The following XXYLT1 variants were observed in gnomAD, a reference collection of about 807,000 sequenced individuals.
The protein encoded by XXYLT1 is UDP-xylose:alpha-xyloside alpha-1,3-xylosyltransferase.
XXYLT1 carries 20 observed loss-of-function variants against 28.9 expected under a neutral mutation model. The observed-to-expected ratio is 0.69, with a 90% CI of 0.49 to 1.00. The LOEUF is 1.00. Among genes scored for constraint, XXYLT1 ranks in the 50% least tolerant of loss-of-function variants. The pLI, the probability that XXYLT1 is intolerant of heterozygous loss-of-function variation, is 0.00. For synonymous variants in XXYLT1, 257 were observed against 253.8 expected (o/e 1.01, Z -0.12); for missense variants, 542 against 560.1 (o/e 0.97, Z 0.33).
chr3:195,211,252 G>A (rs903063539), intron 2 of XXYLT1, among the ~76,000 whole-genome samples: 17 of 152,142 alleles, frequency 1.1e-4, no homozygotes, highest in African/African-American at 3.1e-4. Context: ...AAATTAGCCG[G>A]GCGTGGTGGC....
At chr3:195,094,662 G>A (rs1431292907) in intron 3 of XXYLT1, 2 of 153,942 alleles carry the variant, frequency 1.3e-5, no homozygotes, top group African/African-American at 2.4e-5. Context: ...CCCTGGATGC[G>A]GGTGCTCGAG....
Position 195,209,243 on chromosome 3 carries a change from G to C in XXYLT1, c.652+17466C>G, listed in dbSNP as rs1723203943. The C allele has an allele frequency of 6.6e-6, 1 of 152,326 alleles. No individual in the cohort carries two copies. The highest frequency in any genetic ancestry group is 2.4e-5 in the African/African-American group (1 of 41,462). The allele number at this position is 152,326 out of a possible 1,614,324, so 9.4% of individuals were successfully genotyped here. A position where few individuals can be genotyped will look rare whatever the true frequency, so the allele number is the denominator to read the frequency against. On this transcript the variant is annotated intron_variant, in intron 2 of 3. Transcript: ENST00000310380. This position sits in a 1 kb window ranked among gnomAD's most constrained non-coding sequence, Gnocchi z 5.0. ...GACAGAGGAAGTGCAAAAGCCAAGG[G>C]TTAAGGCAGAGGAGACCTACGCCAG...
rs185396427 is a variant in XXYLT1 at position 195,094,612 on chromosome 3, C to T, written c.786-24501G>A. 5.0e-3 allele frequency: 771 copies of T among 154,056 alleles called. 4 individuals carry two copies. Among genetic ancestry groups the T allele is most frequent in the South Asian group, 9.1e-3 (44 of 4,832 alleles). 9.5% of individuals were successfully genotyped at this position (154,056 alleles called of 1,614,324 possible). On this transcript the variant is annotated intron_variant, in intron 3 of 3. Transcript: ENST00000310380. Reference sequence around the variant, plus strand: ...CTCAGCGGGGATTCCCAGACGCACGCTTCTCCTGAGAGAGTCCAGCCCCTC... The same window carrying T: ...CTCAGCGGGGATTCCCAGACGCACGTTTCTCCTGAGAGAGTCCAGCCCCTC...
chr3:195,139,159 G>C (rs951504471), intron 3 of XXYLT1, among the ~76,000 whole-genome samples: 1 of 152,192 alleles, frequency 6.6e-6, no homozygotes, highest in Non-Finnish European at 1.5e-5. Context: ...AGGAAAGCTG[G>C]AGACAGAGAG....
chr3:195,178,670 A>C (rs1721793232), intron 2 of XXYLT1, among the ~76,000 whole-genome samples: 1 of 152,170 alleles, frequency 6.6e-6, no homozygotes, highest in African/African-American at 2.4e-5. Context: ...CCAGCTCTGA[A>C]GCACGGTCTT....
intron 2 of XXYLT1, among the ~76,000 whole-genome samples, chr3:195,166,923 C>T (rs1356743145): frequency 1.3e-5 from 2 of 152,160 alleles, no homozygotes; most frequent in East Asian, 3.9e-4. Context: ...GTGATCCACC[C>T]ACCTCGGCCT....
At chr3:195,144,183 C>T (rs574564264) in intron 3 of XXYLT1, among the ~76,000 whole-genome samples, 5 of 149,838 alleles carry the variant, frequency 3.3e-5, no homozygotes, top group African/African-American at 4.9e-5. Flanking sequence ...CATGAGCCAC[C>T]GTGCCTGGCC....
intron 2 of XXYLT1, among the ~76,000 whole-genome samples, chr3:195,159,484 C>T (rs920586337): frequency 2.6e-5 from 4 of 152,194 alleles, no homozygotes; most frequent in African/African-American, 9.7e-5. Flanking sequence ...GAGCAGAATG[C>T]ATTGTGTAAT....
intron 2 of XXYLT1, among the ~76,000 whole-genome samples, chr3:195,212,670 C>T (rs1723375570): frequency 6.6e-6 from 1 of 152,214 alleles, no homozygotes; most frequent in East Asian, 1.9e-4. Context: ...ATCTAGGCTG[C>T]ATGCTCCTTA....
intron 3 of XXYLT1, among the ~76,000 whole-genome samples, chr3:195,096,398 C>T (rs1053706237): frequency 6.6e-6 from 1 of 152,142 alleles, no homozygotes; most frequent in African/African-American, 2.4e-5. Flanking sequence ...CCCAGTGCGT[C>T]CCCAACACAC....
chr3:195,130,891 G>A (rs540468438), intron 3 of XXYLT1, among the ~76,000 whole-genome samples: 6 of 152,168 alleles, frequency 3.9e-5, no homozygotes, highest in African/African-American at 7.2e-5. Context: ...CACCAACTGC[G>A]GCTTTGTCCC....
chr3:195,186,988 G>A (rs1722226646), intron 2 of XXYLT1, among the ~76,000 whole-genome samples: 2 of 150,092 alleles, frequency 1.3e-5, no homozygotes, highest in Admixed American at 1.3e-4. Flanking sequence ...TCCACCTCCT[G>A]GGTTCAAGTG....
chr3:195,187,219 C>T (rs1722238590), intron 2 of XXYLT1, among the ~76,000 whole-genome samples: 1 of 146,818 alleles, frequency 6.8e-6, no homozygotes, highest in Non-Finnish European at 1.5e-5. Flanking sequence ...GCCTGGGCCG[C>T]AGAGCAAGAC....
intron 2 of XXYLT1, among the ~76,000 whole-genome samples, chr3:195,174,964 G>C (rs1026081148): frequency 3.3e-5 from 5 of 152,046 alleles, no homozygotes; most frequent in Admixed American, 3.3e-4. Context: ...TCTCTCATAA[G>C]ACTGTAAGCT....
intron 3 of XXYLT1, among the ~76,000 whole-genome samples, chr3:195,121,405 C>T (rs1442487642): frequency 2.6e-5 from 4 of 152,204 alleles, no homozygotes; most frequent in Non-Finnish European, 5.9e-5. Context: ...ACCCGCATCT[C>T]TGCTCCTTTA....
intron 3 of XXYLT1, among the ~76,000 whole-genome samples, chr3:195,105,782 C>T (rs537280312): frequency 2.0e-5 from 3 of 152,290 alleles, no homozygotes; most frequent in South Asian, 4.1e-4. Context: ...ATTTTCCCAC[C>T]GTCGGTGAAA....
At chr3:195,244,016 G>C (rs903653294) in intron 1 of XXYLT1, among the ~76,000 whole-genome samples, 1 of 152,126 alleles carries the variant, frequency 6.6e-6, no homozygotes, top group Non-Finnish European at 1.5e-5. Flanking sequence ...TCCCCACGCT[G>C]TCCTCACTGC....
intron 2 of XXYLT1, among the ~76,000 whole-genome samples, chr3:195,174,068 C>T (rs1220304387): frequency 6.6e-6 from 1 of 152,140 alleles, no homozygotes; most frequent in Non-Finnish European, 1.5e-5. Context: ...GTGATTTTTT[C>T]TTTTTTAACG....
At position 195,077,546 on chromosome 3, in the gene XXYLT1, G is replaced by A. The variant is rs1715191832; in HGVS notation, c.786-7435C>T. ...CCACCCAGCCAGCCTCCTGGAGTCT[G>A]GAATGATAAAGGTGACCCATAGTGT... is the stretch of plus-strand genomic sequence containing the variant. On this transcript the variant is annotated intron_variant, in intron 3 of 3. Coordinates refer to ENST00000310380, the MANE Select transcript of XXYLT1 (RefSeq NM_152531.5). This position sits in a 1 kb window ranked among gnomAD's most constrained non-coding sequence, Gnocchi z 4.8. 6.6e-6 allele frequency among the ~76,000 whole-genome samples: 1 copy of A among 152,136 alleles called. No homozygotes were observed. The highest frequency in any genetic ancestry group is 6.5e-5 in the Admixed American group (1 of 15,278).
Sources: allele counts gnomAD v4.1 joint callset (sites outside exome capture counted in the v4.1 genomes callset), GRCh38; gene constraint gnomAD v4.1.1; non-coding constraint Gnocchi (gnomAD v3.1); transcripts MANE v1.5; gene names NCBI Gene and HGNC (gene_info 2026-07-23, HGNC 2026-07-21).